Variants in CGGBP1 observed in about 807,000 individuals in gnomAD.
CGGBP1 encodes the protein CGG triplet repeat binding protein 1.
Under a neutral mutation model 11.4 loss-of-function variants are expected in CGGBP1, and 4 were observed. The ratio of observed to expected loss-of-function variants is 0.35; its 90% confidence interval spans 0.17 to 0.80. The LOEUF (loss-of-function observed/expected upper bound fraction) is 0.80, where lower values mean the gene tolerates loss of function less well. Ranked by LOEUF, CGGBP1 falls within the 30% of genes least tolerant of loss-of-function variation. The pLI is 0.52. For missense variants in CGGBP1, 135 were observed against 202.1 expected (o/e 0.67, Z 2.01); for synonymous variants, 76 against 74.1 (o/e 1.03, Z -0.13).
At chr3:88,066,971 T>C (rs1383244626) in intron 2 of CGGBP1, among the ~76,000 whole-genome samples, 1 of 152,116 alleles carries the variant, frequency 6.6e-6, no homozygotes, top group East Asian at 1.9e-4. Flanking sequence ...AAACTAAATT[T>C]GGGAGGAGGT....
chr3:88,062,829 G>A (rs1266056832), upstream of CGGBP1, among the ~76,000 whole-genome samples: 3 of 152,172 alleles, frequency 2.0e-5, no homozygotes, highest in South Asian at 2.1e-4. Flanking sequence ...AGTATTGTAC[G>A]TAGCACACAG....
Position 88,055,185 on chromosome 3 carries a change from T to C in CGGBP1, c.*288A>G, listed in dbSNP as rs1161355314. 2.7e-5 allele frequency: 7 copies of C among 257,024 alleles called. No homozygotes were observed. Among genetic ancestry groups the C allele is most frequent in the Non-Finnish European group, 5.1e-5 (7 of 136,324 alleles). 15.9% of individuals were successfully genotyped at this position (257,024 alleles called of 1,614,324 possible). On this transcript the variant is annotated 3_prime_UTR_variant, in exon 4 of 4. Coordinates refer to ENST00000482016, the MANE Select transcript of CGGBP1 (RefSeq NM_001008390.2). The surrounding 1 kb of genome is among the most constrained non-coding windows in gnomAD (Gnocchi z 4.2). The stretch of plus-strand genomic sequence containing the variant: ...GTAAAAAAGCAGGGCAGTTCTTCCA[T>C]GCACAAACATTTCAGGAGAAAAACC...
At chr3:88,142,682 T>G (rs1707190016) in intron 1 of CGGBP1, 1 of 152,340 alleles carries the variant, frequency 6.6e-6, no homozygotes, top group Non-Finnish European at 1.5e-5. Flanking sequence ...CATTTTATTC[T>G]ATTAGGAGAG....
chr3:88,099,992 A>C (rs1704311261), intron 2 of CGGBP1, among the ~76,000 whole-genome samples: 1 of 152,222 alleles, frequency 6.6e-6, no homozygotes. Flanking sequence ...ATTTAACTAA[A>C]GAGCTTCTGC....
At chr3:88,101,406 C>T (rs1291518028) in intron 2 of CGGBP1, among the ~76,000 whole-genome samples, 1 of 152,024 alleles carries the variant, frequency 6.6e-6, no homozygotes, top group African/African-American at 2.4e-5. Flanking sequence ...TCACTTAGAG[C>T]AAGTGAAAAT....
Position 88,079,962 on chromosome 3 carries a change from A to T in CGGBP1, c.-228-21739T>A, listed in dbSNP as rs572081862. ...CTAAACCATTTTGGTGTTTTTTTTT[A>T]AAACATGACTTTTAGATTTCCATTA... On this transcript the variant is annotated intron_variant, in intron 2 of 3. Transcript: ENST00000462901. Among the ~76,000 whole-genome samples, 432 of 152,038 alleles carry T rather than the reference A, an allele frequency of 2.8e-3. 2 individuals carry two copies. The highest frequency in any genetic ancestry group is 8.6e-3 in the African/African-American group (359 of 41,526).
At chr3:88,081,293 G>A (rs1475506787) in intron 2 of CGGBP1, among the ~76,000 whole-genome samples, 1 of 152,122 alleles carries the variant, frequency 6.6e-6, no homozygotes, top group South Asian at 2.1e-4. Context: ...TTAAGTTTAT[G>A]TGGGGGTTTT....
At chr3:88,086,871 C>A (rs528883634) in intron 2 of CGGBP1, among the ~76,000 whole-genome samples, 1 of 152,182 alleles carries the variant, frequency 6.6e-6, no homozygotes, top group South Asian at 2.1e-4. Flanking sequence ...CAAGCTCCCC[C>A]TCCCGGGTTC....
chr3:88,144,683 T>TA (rs1207612883), intron 1 of CGGBP1: 1 of 152,422 alleles, frequency 6.6e-6, no homozygotes, highest in African/African-American at 2.4e-5. Context: ...TTTTATGTAG[T>TA]ATATTGCTTT....
At chr3:88,149,028 A>G (rs1241626053) in intron 1 of CGGBP1, among the ~76,000 whole-genome samples, 1 of 152,220 alleles carries the variant, frequency 6.6e-6, no homozygotes, top group Non-Finnish European at 1.5e-5. Flanking sequence ...CCCCAATTAA[A>G]TGTCAACTGA....
At chr3:88,125,088 G>A (rs986723123) in intron 2 of CGGBP1, among the ~76,000 whole-genome samples, 10 of 151,636 alleles carry the variant, frequency 6.6e-5, no homozygotes, top group Non-Finnish European at 1.2e-4. Flanking sequence ...GGTGACACGC[G>A]CCTGTAGTCC....
At chr3:88,120,869 A>G (rs567710757) in intron 2 of CGGBP1, among the ~76,000 whole-genome samples, 2 of 152,272 alleles carry the variant, frequency 1.3e-5, no homozygotes, top group Non-Finnish European at 2.9e-5. Flanking sequence ...ACAGTGATAT[A>G]GTAATTCAAA....
Position 88,147,009 on chromosome 3 carries a change from AACGAAAGTAAT to A in CGGBP1, c.-338+2691_-338+2701del, listed in dbSNP as rs1394006818. 2.0e-5 allele frequency among the ~76,000 whole-genome samples: 3 copies of A among 152,152 alleles called. No individual in the cohort carries two copies. In the South Asian group the frequency reaches 6.2e-4, roughly 32 times the overall value. ...CCTCCCCTTCAATCTTCACACCAGC[AACGAAAGTAAT>A]CCTGTTCTGAGACAAGTCAGATAAT... On this transcript the variant is annotated intron_variant, in intron 1 of 3. Coordinates refer to the CGGBP1 transcript ENST00000462901.
chr3:88,124,962 T>C (rs1311094120), intron 2 of CGGBP1, among the ~76,000 whole-genome samples: 1 of 152,184 alleles, frequency 6.6e-6, no homozygotes, highest in Non-Finnish European at 1.5e-5. Flanking sequence ...ACGCCTGTAA[T>C]CCCAGCACTT....
At chr3:88,080,069 G>C (rs1183589883) in intron 2 of CGGBP1, among the ~76,000 whole-genome samples, 2 of 151,878 alleles carry the variant, frequency 1.3e-5, no homozygotes, top group East Asian at 3.9e-4. Context: ...ATTCTCCAGG[G>C]AGAATTGTAA....
chr3:88,080,685 A>C (rs1473365361), intron 2 of CGGBP1, among the ~76,000 whole-genome samples: 1 of 152,158 alleles, frequency 6.6e-6, no homozygotes, highest in Non-Finnish European at 1.5e-5. Context: ...ACCTACAGGC[A>C]AGGGCAAATC....
chr3:88,104,995 T>G (rs1356320358), intron 2 of CGGBP1, among the ~76,000 whole-genome samples: 1 of 151,884 alleles, frequency 6.6e-6, no homozygotes, highest in Non-Finnish European at 1.5e-5. Flanking sequence ...CAAAAATTAG[T>G]CAGGTGTGGT....
chr3:88,133,098 T>C (rs1706562333), intron 2 of CGGBP1, among the ~76,000 whole-genome samples: 1 of 152,188 alleles, frequency 6.6e-6, no homozygotes, highest in Non-Finnish European at 1.5e-5. Context: ...CTTAATAGTT[T>C]AGAGTTGAGA....
chr3:88,126,363 T>G, intron 2 of CGGBP1: 1 of 1,234,136 alleles, frequency 8.1e-7, no homozygotes, highest in Non-Finnish European at 1.0e-6. Context: ...TTTTCTTCAT[T>G]TTATAATACT....
Sources: gnomAD v4.1 joint callset for allele counts (sites outside exome capture counted in the v4.1 genomes callset) on GRCh38, gnomAD v4.1.1 for gene constraint, Gnocchi (gnomAD v3.1) non-coding constraint, MANE v1.5 for transcripts, NCBI Gene and HGNC (gene_info 2026-07-23, HGNC 2026-07-21) for gene names.